Variants in NIPBL observed in about 807,000 individuals in gnomAD.
The protein encoded by NIPBL is nipped-B-like protein.
Under a neutral mutation model 321.8 loss-of-function variants are expected in NIPBL, and 19 were observed. That is an observed-to-expected ratio of 0.06 (90% confidence interval 0.04 to 0.09). The LOEUF is 0.09. Ranked by LOEUF, NIPBL falls within the 10% of genes least tolerant of loss-of-function variation. NIPBL has a pLI of 1.00. For synonymous variants in NIPBL, 1,106 were observed against 1,114.1 expected (o/e 0.99, Z 0.14); for missense variants, 2,210 against 3,327.0 (o/e 0.66, Z 8.26).
Position 37,008,013 on chromosome 5 carries a change from A to T in NIPBL, c.4245A>T (p.Ser1415=). ...LLTDTTILQV[S]SMGITPFFVE... is the part of the protein sequence containing the mutation. ...TACTCTTCTTTTTTAAACAGGTTTCATCTATGGGAATAACACCATTTTTTG... is the reference window on the plus strand; with the variant it reads ...TACTCTTCTTTTTTAAACAGGTTTCTTCTATGGGAATAACACCATTTTTTG... The change falls in exon 19 of 47, where the codon TCA becomes TCT. Residue 1415 remains serine, a synonymous_variant. Coordinates refer to ENST00000282516, the MANE Select transcript of NIPBL (RefSeq NM_133433.4). 6.2e-7 allele frequency: 1 copy of T among 1,600,810 alleles called. No individual in the cohort carries two copies. Among genetic ancestry groups the T allele is most frequent in the Non-Finnish European group, 8.6e-7 (1 of 1,168,198 alleles).
intron 30 of NIPBL, among the ~76,000 whole-genome samples, chr5:37,025,710 G>A (rs2149703720): frequency 6.6e-6 from 1 of 152,088 alleles, no homozygotes; most frequent in Admixed American, 6.5e-5. Context: ...TGAGGCGATG[G>A]ATACCCCAGT....
At chr5:37,011,385 T>C (rs1328471986) in intron 21 of NIPBL, among the ~76,000 whole-genome samples, 1 of 152,110 alleles carries the variant, frequency 6.6e-6, no homozygotes, top group African/African-American at 2.4e-5. Context: ...CAAAACTCTG[T>C]CTCTACAAAA....
At chr5:36,967,083 C>T (rs1346665265) in intron 6 of NIPBL, among the ~76,000 whole-genome samples, 2 of 151,374 alleles carry the variant, frequency 1.3e-5, no homozygotes, top group African/African-American at 2.4e-5. Flanking sequence ...TTTAATATAC[C>T]GAAATCTCAT....
At chr5:36,884,011 ACTACTGATT>A (rs1165672597) in intron 1 of NIPBL, among the ~76,000 whole-genome samples, 1 of 152,082 alleles carries the variant, frequency 6.6e-6, no homozygotes, top group Non-Finnish European at 1.5e-5. Flanking sequence ...TGACCTGAAA[ACTACTGATT>A]CTTTCCCCTT....
chr5:36,937,651 C>T (rs1738594642), intron 1 of NIPBL, among the ~76,000 whole-genome samples: 1 of 152,052 alleles, frequency 6.6e-6, no homozygotes, highest in Admixed American at 6.6e-5. Context: ...CATCCAACGT[C>T]TTTCTGAGGA....
intron 32 of NIPBL, among the ~76,000 whole-genome samples, chr5:37,032,428 T>TGTGTGTGTGTGTGTGTGTGTA (rs1751161558): frequency 2.1e-5 from 3 of 141,710 alleles, no homozygotes; most frequent in East Asian, 4.1e-4. Flanking sequence ...TGTGTGTGTG[T>TGTGTGTGTGTGTGTGTGTGTA]GTGTGTGTGT....
At chr5:36,972,160 A>C (rs752351400) in intron 8 of NIPBL, 119 bp downstream of exon 8, 2 of 705,042 alleles carry the variant, frequency 2.8e-6, no homozygotes, top group Non-Finnish European at 4.9e-6. Context: ...ATTGTAGAAA[A>C]AAAAATAAAC....
chr5:37,016,210 G>T, intron 23 of NIPBL, 40 bp downstream of exon 23: 1 of 1,589,368 alleles, frequency 6.3e-7, no homozygotes, highest in Non-Finnish European at 8.6e-7. Context: ...ATTACTAGAA[G>T]ACAACATAAT....
chr5:36,932,786 T>G (rs555827040), intron 1 of NIPBL, among the ~76,000 whole-genome samples: 6 of 148,650 alleles, frequency 4.0e-5, no homozygotes, highest in East Asian at 1.9e-4. Context: ...CTGTTTTTTT[T>G]TTTTTTTTTT....
At position 36,985,492 on chromosome 5, in the gene NIPBL, C is replaced by T; in HGVS notation, c.2312C>T (p.Pro771Leu). 2.5e-6 allele frequency: 4 copies of T among 1,613,696 alleles called. No individual in the cohort carries two copies. Among genetic ancestry groups the T allele is most frequent in the Non-Finnish European group, 3.4e-6 (4 of 1,179,950 alleles). ...RHDNRRDSGK[P>L]STEKKPEVSK... ...GACAATAGGAGGGATTCTGGAAAGC[C>T]ATCTACAGAGAAAAAACCTGAAGTG... Residue 771 changes from proline (P) to leucine (L), a missense_variant, in exon 10 of 47, where the codon CCA becomes CTA. By Grantham distance (98) the Pro-to-Leu change is moderately conservative. Around this residue, in one of 14 missense-constraint regions of NIPBL, gnomAD observed 588 missense variants for 564.1 expected, o/e 1.04. Coordinates refer to ENST00000282516, the MANE Select transcript of NIPBL (RefSeq NM_133433.4).
chr5:36,910,073 TAAAAAA>T lies in NIPBL; in HGVS notation c.-80+32904_-80+32909del, dbSNP rs536210925. 5.3e-3 allele frequency among the ~76,000 whole-genome samples: 727 copies of T among 136,088 alleles called. 1 individual carries two copies. Among genetic ancestry groups the T allele is most frequent in the Non-Finnish European group, 8.8e-3 (549 of 62,470 alleles). 89.3% of individuals were successfully genotyped at this position (136,088 alleles called of 152,430 possible). On this transcript the variant is annotated intron_variant, in intron 1 of 46. Coordinates refer to ENST00000282516, the MANE Select transcript of NIPBL (RefSeq NM_133433.4). ...CCTGGTGACAGAGTGAGACTCAGTC[TAAAAAA>T]AAAAAAAAGAATGTTATGATTAGTA... is the stretch of plus-strand genomic sequence containing the variant.
At position 37,058,997 on chromosome 5, in the gene NIPBL, G is replaced by A. The variant is rs761787560; in HGVS notation, c.7517G>A (p.Arg2506His). Residue 2506 changes from arginine (R) to histidine (H), a missense_variant, in exon 44 of 47, where the codon CGT becomes CAT. Coordinates refer to ENST00000282516, the MANE Select transcript of NIPBL (RefSeq NM_133433.4). ...EVSRPRKSRK[R>H]VDSDSDSDSE... Reference sequence around the variant, plus strand: ...TCCAGGCCTCGGAAGTCACGGAAACGTGTAGATTCAGATTCAGATTCAGAT... The same window carrying A: ...TCCAGGCCTCGGAAGTCACGGAAACATGTAGATTCAGATTCAGATTCAGAT... 1.1e-5 allele frequency: 18 copies of A among 1,614,066 alleles called. No individual in the cohort carries two copies. Among genetic ancestry groups the A allele is most frequent in the Admixed American group, 3.3e-5 (2 of 60,006 alleles).
At chr5:37,064,170 A>T in intron 46 of NIPBL, 192 bp downstream of exon 46, 1 of 1,417,898 alleles carries the variant, frequency 7.1e-7, no homozygotes, top group Non-Finnish European at 9.2e-7. Context: ...AAAAGACAAT[A>T]AAAAAACAGA....
At chr5:36,968,592 G>T (rs546359809) in intron 6 of NIPBL, among the ~76,000 whole-genome samples, 1 of 152,008 alleles carries the variant, frequency 6.6e-6, no homozygotes, top group Non-Finnish European at 1.5e-5. Context: ...TGGGTGTGAT[G>T]GTGCACATCT....
At chr5:36,972,680 G>T (rs1185849072) in intron 8 of NIPBL, among the ~76,000 whole-genome samples, 1 of 152,020 alleles carries the variant, frequency 6.6e-6, no homozygotes, top group Non-Finnish European at 1.5e-5. Context: ...TCTTCAAAAT[G>T]GTTTTCACTG....
At chr5:37,041,250 T>G (rs1752310732) in intron 34 of NIPBL, among the ~76,000 whole-genome samples, 2 of 134,250 alleles carry the variant, frequency 1.5e-5, no homozygotes, top group African/African-American at 2.9e-5. Context: ...TGTTATGTGG[T>G]GGTTTTTTTT....
intron 10 of NIPBL, among the ~76,000 whole-genome samples, chr5:36,992,673 T>G (rs1745664480): frequency 6.6e-6 from 1 of 151,996 alleles, no homozygotes; most frequent in Non-Finnish European, 1.5e-5. Context: ...TGATGTCATA[T>G]TGAAGATCTC....
In NIPBL at chr5:36,996,122, C is replaced by G. The variant is rs192534020; in HGVS notation, c.3304+318C>G. Among the ~76,000 whole-genome samples, 17 of 152,248 alleles carry G rather than the reference C, an allele frequency of 1.1e-4. No homozygotes were observed. The highest frequency in any genetic ancestry group is 2.4e-4 in the Non-Finnish European group (16 of 68,010). ...TAAAAATGCAAATAAGATATGGCCC[C>G]TGTCTTCAAAGAGCCTTCAGTCTAA... On this transcript the variant is annotated intron_variant, in intron 11 of 46. Coordinates refer to ENST00000282516, the MANE Select transcript of NIPBL (RefSeq NM_133433.4). This position sits in a 1 kb window ranked among gnomAD's most constrained non-coding sequence, Gnocchi z 5.0.
intron 22 of NIPBL, among the ~76,000 whole-genome samples, chr5:37,015,623 G>T (rs1561162205): frequency 6.6e-6 from 1 of 152,080 alleles, no homozygotes; most frequent in Non-Finnish European, 1.5e-5. Flanking sequence ...CCAGCTACTT[G>T]AGAGGCTGAG....
Sources: allele counts gnomAD v4.1 joint callset (sites outside exome capture counted in the v4.1 genomes callset), GRCh38; gene constraint gnomAD v4.1.1; regional missense constraint gnomAD v4.1.1; non-coding constraint Gnocchi (gnomAD v3.1); transcripts MANE v1.5; gene names NCBI Gene and HGNC (gene_info 2026-07-23, HGNC 2026-07-21).